The following GLB1L variants were observed in gnomAD, a reference collection of about 807,000 sequenced individuals.
GLB1L encodes the protein galactosidase beta 1 like.
In GLB1L, 58 loss-of-function variants were observed where a neutral mutation model predicts 75.7. That is an observed-to-expected ratio of 0.77 (90% CI 0.62 to 0.95). The LOEUF is 0.95. Among genes scored for constraint, GLB1L ranks in the 40% least tolerant of loss-of-function variants. The probability of loss-of-function intolerance (pLI) is 0.00; values close to 1 mark genes in which losing one functional copy is unlikely to be tolerated. For synonymous variants in GLB1L, 296 were observed against 303.0 expected, an observed-to-expected ratio of 0.98 and a Z score of 0.24; for missense variants, 797 against 805.5, an observed-to-expected ratio of 0.99 and a Z score of 0.13.
At position 219,242,819 on chromosome 2, in the gene GLB1L, G is replaced by T. The variant is rs770720524; in HGVS notation, c.339C>A (p.Asn113Lys). ...GTCCTGGTCTCAGTATGACCAACAG[G>T]TTCGCTAGAGCTGCCTCATTCAGAA... Reference protein sequence around the residue: ...IAFLNEAALANLLVILRPGPY... With the variant: ...IAFLNEAALAKLLVILRPGPY... The change falls in exon 4 of 17, where the codon AAC (asparagine) becomes AAA (lysine). Residue 113 changes from asparagine (N) to lysine (K), a missense_variant. By Grantham distance (94) the Asn-to-Lys change is moderately conservative. Transcript: ENST00000295759. 1.4e-5 allele frequency: 23 copies of T among 1,614,082 alleles called. No homozygotes were observed. Among genetic ancestry groups the T allele is most frequent in the South Asian group, 1.1e-5 (1 of 91,090 alleles).
At position 219,237,859 on chromosome 2, in the gene GLB1L, C is replaced by T. The variant is rs1420519615; in HGVS notation, c.1440G>A (p.Arg480=). 6.2e-7 allele frequency: 1 copy of T among 1,614,178 alleles called. No individual in the cohort carries two copies. Among genetic ancestry groups the T allele is most frequent in the Non-Finnish European group, 8.5e-7 (1 of 1,180,030 alleles). ...CACTGCTGTTAGACCCAAAGCTGAG[C>T]CTCCCCATGTTCTCCACCAAGATAT... is the stretch of plus-strand genomic sequence containing the variant. ...KLDILVENMG[R]LSFGSNSSDF... is the part of the protein sequence containing the mutation. The change falls in exon 15 of 17, where the codon AGG becomes AGA. Residue 480 remains arginine, a synonymous_variant. Coordinates refer to ENST00000295759, the MANE Select transcript of GLB1L (RefSeq NM_001286423.2).
rs763006854 is a variant in GLB1L, at chr2:219,243,263, C to G, written c.124G>C (p.Asp42His). The G allele has an allele frequency of 6.9e-5, 112 of 1,613,372 alleles. No individual in the cohort carries two copies. The highest frequency in any genetic ancestry group is 1.6e-4 in the Middle Eastern group (1 of 6,082). Residue 42 changes from aspartate (D) to histidine (H), a missense_variant, in exon 3 of 17, where the codon GAC becomes CAC. Physicochemically the swap from Asp to His is moderately conservative, Grantham distance 81. Transcript: ENST00000295759. ...VDRGHDRFLL[D>H]GAPFRYVSGS... ...GACACATAGCGGAACGGGGCCCCGT[C>G]TAGGAGAAACCGGTCATGACCCCTA... is the stretch of plus-strand genomic sequence containing the variant.
Position 219,243,255 on chromosome 2 carries a change from G to A in GLB1L, c.132C>T (p.Ala44=), listed in dbSNP as rs746244223. 5.8e-5 allele frequency: 93 copies of A among 1,613,826 alleles called. No individual in the cohort carries two copies. Among genetic ancestry groups the A allele is most frequent in the Non-Finnish European group, 7.8e-5 (92 of 1,179,880 alleles). The change falls in exon 3 of 17, where the codon GCC becomes GCT. Residue 44 remains alanine, a synonymous_variant. Transcript: ENST00000295759. ...GGCTGCCAGACACATAGCGGAACGG[G>A]GCCCCGTCTAGGAGAAACCGGTCAT... The part of the protein sequence containing the change: ...RGHDRFLLDG[A]PFRYVSGSLH...
chr2:219,242,131 G>C (rs1378427603), intron 5 of GLB1L, among the ~76,000 whole-genome samples: 1 of 152,092 alleles, frequency 6.6e-6, no homozygotes, highest in Non-Finnish European at 1.5e-5. Flanking sequence ...GGGATTACAG[G>C]TGCCCACCAC....
intron 10 of GLB1L, 96 bp downstream of exon 10, chr2:219,239,315 C>T: frequency 6.8e-7 from 1 of 1,471,978 alleles, no homozygotes; most frequent in Non-Finnish European, 9.3e-7. Flanking sequence ...GCAGAGGTGG[C>T]CATATTCAGC....
At chr2:219,238,170 G>A in intron 14 of GLB1L, 80 bp downstream of exon 14, 1 of 1,139,566 alleles carries the variant, frequency 8.8e-7, no homozygotes, top group Non-Finnish European at 1.3e-6. Flanking sequence ...GTGGGAAAGT[G>A]TAAATATGGG....
At position 219,242,572 on chromosome 2, in the gene GLB1L, C is replaced by G; in HGVS notation, c.393G>C (p.Gly131=). The change falls in exon 5 of 17, where the codon GGG becomes GGC. Residue 131 remains glycine (G), a splice_region_variant and synonymous_variant. Coordinates refer to ENST00000295759, the MANE Select transcript of GLB1L (RefSeq NM_001286423.2). Reference sequence around the variant, plus strand: ...TTCGAAGCAACCAGGATGGGAGACCCCCCTGAGACAAACATAAAGAGAACA... The same window carrying G: ...TTCGAAGCAACCAGGATGGGAGACCGCCCTGAGACAAACATAAAGAGAACA... The part of the protein sequence containing the change: ...GPYICAEWEM[G]GLPSWLLRKP... 1 of 1,612,914 alleles carries G rather than the reference C, an allele frequency of 6.2e-7. No individual in the cohort carries two copies. Among genetic ancestry groups the G allele is most frequent in the Admixed American group, 1.7e-5 (1 of 59,996 alleles).
In GLB1L at chr2:219,239,581, C is replaced by G; in HGVS notation, c.882G>C (p.Lys294Asn). ...AVTKGLENML[K>N]LGASVNMYMF... ...CTTACATGTTCACACTGGCTCCCAA[C>G]TTGAGCATGTTCTCTAGTCCTTTGG... Residue 294 changes from lysine to asparagine, a missense_variant, in exon 9 of 17, where the codon AAG (lysine) becomes AAC (asparagine). By Grantham distance (94) the Lys-to-Asn change is moderately conservative. Transcript: ENST00000295759. 1 of 1,614,204 alleles carries G rather than the reference C, an allele frequency of 6.2e-7. No homozygotes were observed. The highest frequency in any genetic ancestry group is 8.5e-7 in the Non-Finnish European group (1 of 1,180,042).
rs879066274 is a variant in GLB1L at position 219,236,760 on chromosome 2, C to T, written c.*312G>A. 68 of 125,704 alleles carry T rather than the reference C, an allele frequency of 5.4e-4. No homozygotes were observed. Among genetic ancestry groups the T allele is most frequent in the East Asian group, 1.3e-3 (6 of 4,580 alleles). The allele number at this position is 125,704 out of a possible 1,614,324, so 7.8% of individuals were successfully genotyped here. A position where few individuals can be genotyped will look rare whatever the true frequency, so the allele number is the denominator to read the frequency against. ...CTCCATGTCCCAGGTCCAAGGGTTA[C>T]TTTTTTTTTTTTTTTTTTTTTTGAG... On this transcript the variant is annotated 3_prime_UTR_variant, in exon 17 of 17. Coordinates refer to ENST00000295759, the MANE Select transcript of GLB1L (RefSeq NM_001286423.2).
chr2:219,237,384 G>C, intron 16 of GLB1L, 37 bp from the exon 17 acceptor site: 2 of 1,604,726 alleles, frequency 1.2e-6, no homozygotes, highest in Non-Finnish European at 1.7e-6. Flanking sequence ...GGAAAAGAAA[G>C]GGTCAGCTCT....
At chr2:219,242,383 G>T in intron 5 of GLB1L, 131 bp downstream of exon 5, 1 of 765,872 alleles carries the variant, frequency 1.3e-6, no homozygotes, top group Non-Finnish European at 2.4e-6. Context: ...CTAGCATCCT[G>T]CTGGGCATGA....
In GLB1L at chr2:219,238,315, CA is replaced by C; in HGVS notation, c.1275del (p.Phe425LeufsTer19). 1 of 1,612,626 alleles carries C rather than the reference CA, an allele frequency of 6.2e-7. No homozygotes were observed. Among genetic ancestry groups the C allele is most frequent in the Non-Finnish European group, 8.5e-7 (1 of 1,179,276 alleles). ...TTTGGCACCCAGAATGGTGTTGGCTCAAAAATGGTATGGGTCATATAGGTTC... is the reference window on the plus strand; with the variant it reads ...TTTGGCACCCAGAATGGTGTTGGCTCAAAATGGTATGGGTCATATAGGTTC... ...LYRTYMTHTIFEPTPFWVPNN... is the reference protein window; with the variant it reads ...LYRTYMTHTIXEPTPFWVPNN... On this transcript the variant is annotated frameshift_variant, in exon 14 of 17. Transcript: ENST00000295759. LOFTEE classifies it high-confidence loss of function.
At chr2:219,240,947 G>A (rs1370283930) in intron 5 of GLB1L, among the ~76,000 whole-genome samples, 1 of 152,104 alleles carries the variant, frequency 6.6e-6, no homozygotes, top group African/African-American at 2.4e-5. Flanking sequence ...AGCCGGGCAA[G>A]GTGGTAGGTG....
At position 219,239,629 on chromosome 2, in the gene GLB1L, G is replaced by A. The variant is rs552422506; in HGVS notation, c.834C>T (p.Ser278=). 3 of 1,614,150 alleles carry A rather than the reference G, an allele frequency of 1.9e-6. No homozygotes were observed. The highest frequency in any genetic ancestry group is 2.7e-5 in the African/African-American group (2 of 75,038). Residue 278 remains serine (S), a synonymous_variant, in exon 9 of 17, where the codon TCC becomes TCT. Coordinates refer to ENST00000295759, the MANE Select transcript of GLB1L (RefSeq NM_001286423.2). ...GWLDYWGQNH[S]TRSVSAVTKG... is the part of the protein sequence containing the mutation. ...TGGTTACAGCTGACACAGACCGTGTGGAGTGATTCTGGCCCCAGTAATCCA... is the reference window on the plus strand; with the variant it reads ...TGGTTACAGCTGACACAGACCGTGTAGAGTGATTCTGGCCCCAGTAATCCA...
In GLB1L at chr2:219,243,625, C is replaced by A; in HGVS notation, c.-52G>T. 6.3e-7 allele frequency: 1 copy of A among 1,586,578 alleles called. No homozygotes were observed. The highest frequency in any genetic ancestry group is 1.1e-5 in the South Asian group (1 of 90,208). The stretch of plus-strand genomic sequence containing the variant: ...AGACGGCGGACAGACCGTCACGTGT[C>A]GGATTCCTGGGAGGGAACCTCAGCG... On this transcript the variant is annotated 5_prime_UTR_variant, in exon 2 of 17. Coordinates refer to ENST00000295759, the MANE Select transcript of GLB1L (RefSeq NM_001286423.2).
chr2:219,242,454 G>T, intron 5 of GLB1L, 60 bp downstream of exon 5: 1 of 1,222,024 alleles, frequency 8.2e-7, no homozygotes, highest in Non-Finnish European at 1.2e-6. Flanking sequence ...TCTGCTTTTG[G>T]CACCCAAATA....
At chr2:219,241,434 GTGTGTGTGTATATATA>G (rs1250956844) in intron 5 of GLB1L, among the ~76,000 whole-genome samples, 2 of 82,978 alleles carry the variant, frequency 2.4e-5, no homozygotes, top group Admixed American at 1.6e-4. Context: ...GTGTGTGTGT[GTGTGTGTGTATATATA>G]TATATATATA....
chr2:219,241,412 A>ATATGTGTG (rs1376532272), intron 5 of GLB1L, among the ~76,000 whole-genome samples: 12 of 102,574 alleles, frequency 1.2e-4, no homozygotes, highest in Non-Finnish European at 2.3e-4. Context: ...ATATATATAT[A>ATATGTGTG]TGTGTGTGTG....
chr2:219,239,318 T>C (rs1433573541), intron 10 of GLB1L, 93 bp downstream of exon 10: 15 of 1,480,006 alleles, frequency 1.0e-5, no homozygotes, highest in Non-Finnish European at 1.4e-5. Flanking sequence ...GAGGTGGCCA[T>C]ATTCAGCTTC....
Sources: gnomAD v4.1 joint callset for allele counts (sites outside exome capture counted in the v4.1 genomes callset) on GRCh38, gnomAD v4.1.1 for gene constraint, MANE v1.5 for transcripts, NCBI Gene and HGNC (gene_info 2026-07-23, HGNC 2026-07-21) for gene names.